Variants in NRG1 observed in about 807,000 individuals in gnomAD.
The protein encoded by NRG1 is pro-neuregulin-1, membrane-bound isoform.
In NRG1, 18 loss-of-function variants were observed where a neutral mutation model predicts 63.8. That is an observed-to-expected ratio of 0.28 (90% CI 0.19 to 0.42). NRG1 has a LOEUF of 0.42. Among genes scored for constraint, NRG1 ranks in the 10% least tolerant of loss-of-function variants. The pLI is 1.00. For synonymous variants in NRG1, 302 were observed against 301.3 expected, an observed-to-expected ratio of 1.00 and a Z score of -0.02; for missense variants, 762 against 814.7, an observed-to-expected ratio of 0.94 and a Z score of 0.79.
rs956589922 is a variant in NRG1, at chr8:32,605,955, G to A, written c.400+272G>A. On this transcript the variant is annotated intron_variant, in intron 3 of 11. Transcript: ENST00000356819. ...GATAGGTTGGGTTGCTAAAATATAG[G>A]GGCTATACTATTTTTTTAAGTTGGT... 3.3e-5 allele frequency among the ~76,000 whole-genome samples: 5 copies of A among 151,702 alleles called. No individual in the cohort carries two copies. The East Asian group carries it at 7.8e-4, about 24-fold the overall frequency.
intron 1 of NRG1, among the ~76,000 whole-genome samples, chr8:32,039,787 G>A (rs769013163): frequency 6.6e-5 from 10 of 152,136 alleles, no homozygotes; most frequent in East Asian, 1.9e-4. Flanking sequence ...TGGAAGCCAA[G>A]GCAGGACGAT....
intron 1 of NRG1, among the ~76,000 whole-genome samples, chr8:32,474,928 C>G (rs187529416): frequency 6.6e-6 from 1 of 152,200 alleles, no homozygotes; most frequent in Non-Finnish European, 1.5e-5. Context: ...TTTATTTATG[C>G]AAAGCACATA....
chr8:31,871,986 G>C (rs910643270), intron 1 of NRG1, among the ~76,000 whole-genome samples: 3 of 152,080 alleles, frequency 2.0e-5, no homozygotes, highest in Non-Finnish European at 4.4e-5. Flanking sequence ...ATTGCCTCAT[G>C]TTAATCAGTG....
intron 1 of NRG1, among the ~76,000 whole-genome samples, chr8:32,154,462 A>C: frequency 7.0e-6 from 1 of 143,152 alleles, no homozygotes; most frequent in Non-Finnish European, 1.5e-5. Context: ...ACCCCCCAGC[A>C]CTCCCTTCCC....
chr8:32,253,098 G>C (rs1316216831), intron 1 of NRG1, among the ~76,000 whole-genome samples: 1 of 152,190 alleles, frequency 6.6e-6, no homozygotes, highest in Non-Finnish European at 1.5e-5. Context: ...ATTTTGGGCT[G>C]AGAAGATGGG....
intron 1 of NRG1, among the ~76,000 whole-genome samples, chr8:32,342,162 A>C (rs568354165): frequency 6.6e-6 from 1 of 152,342 alleles, no homozygotes; most frequent in South Asian, 2.1e-4. Context: ...CAAGTTAACT[A>C]TCCAGAAACA....
intron 1 of NRG1, among the ~76,000 whole-genome samples, chr8:32,125,721 C>A (rs1434572279): frequency 2.0e-5 from 3 of 151,918 alleles, no homozygotes; most frequent in Non-Finnish European, 4.4e-5. Context: ...TTGTTTCTGC[C>A]TGCACACATC....
intron 1 of NRG1, among the ~76,000 whole-genome samples, chr8:32,437,618 A>T (rs1818953259): frequency 6.6e-6 from 1 of 152,184 alleles, no homozygotes; most frequent in Non-Finnish European, 1.5e-5. Context: ...AGTGGAAGGA[A>T]GAGCTTGCAA....
At chr8:32,283,856 A>T (rs1853185085) in intron 1 of NRG1, among the ~76,000 whole-genome samples, 1 of 152,176 alleles carries the variant, frequency 6.6e-6, no homozygotes, top group Non-Finnish European at 1.5e-5. Flanking sequence ...TTGATGATGC[A>T]TCCACCAGGG....
At chr8:32,665,221 T>C (rs895843843) in intron 5 of NRG1, among the ~76,000 whole-genome samples, 1 of 152,198 alleles carries the variant, frequency 6.6e-6, no homozygotes, top group Non-Finnish European at 1.5e-5. Flanking sequence ...ATATTTAGCC[T>C]GTTCTAGTAC....
At chr8:31,740,663 G>C (rs2131397635) in intron 1 of NRG1, among the ~76,000 whole-genome samples, 1 of 149,946 alleles carries the variant, frequency 6.7e-6, no homozygotes, top group South Asian at 2.1e-4. Flanking sequence ...ATGTACCTGT[G>C]TGAGTGCATG....
At chr8:32,754,628 T>G (rs1829347785) in intron 8 of NRG1, among the ~76,000 whole-genome samples, 154 bp downstream of exon 8, 1 of 152,102 alleles carries the variant, frequency 6.6e-6, no homozygotes, top group African/African-American at 2.4e-5. Context: ...TAATCCATTT[T>G]GAGGATGTCT....
intron 1 of NRG1, among the ~76,000 whole-genome samples, chr8:31,877,352 G>A (rs1221431345): frequency 6.6e-6 from 1 of 152,068 alleles, no homozygotes; most frequent in Non-Finnish European, 1.5e-5. Context: ...CATCTCAGGG[G>A]TGGAGAGGAC....
chr8:31,924,715 T>C (rs182223129), intron 1 of NRG1, among the ~76,000 whole-genome samples: 289 of 152,148 alleles, frequency 1.9e-3, no homozygotes, highest in African/African-American at 6.8e-3. Flanking sequence ...TATTCAACTT[T>C]CTTCCTTTCT....
chr8:31,646,960 C>T (rs1021217864), intron 1 of NRG1, among the ~76,000 whole-genome samples: 5 of 152,042 alleles, frequency 3.3e-5, no homozygotes, highest in Non-Finnish European at 5.9e-5. Flanking sequence ...ATTTTTAGAA[C>T]AATATTTGTT....
Position 31,725,128 on chromosome 8 carries a change from G to C in NRG1, c.37+85697G>C, listed in dbSNP as rs147410241. ...ATAAAAAATGACTCTTAGCCCACAGGCTGTATAAAAACATGTAGATTTGGT... is the reference window on the plus strand; with the variant it reads ...ATAAAAAATGACTCTTAGCCCACAGCCTGTATAAAAACATGTAGATTTGGT... On this transcript the variant is annotated intron_variant, in intron 1 of 10. Transcript: ENST00000519301. Among the ~76,000 whole-genome samples, 265 of 152,244 alleles carry C rather than the reference G, an allele frequency of 1.7e-3. 1 individual carries two copies. Among genetic ancestry groups the C allele is most frequent in the Middle Eastern group, 0.014 (4 of 294 alleles).
chr8:32,365,220 T>A (rs1336193436), intron 1 of NRG1, among the ~76,000 whole-genome samples: 1 of 152,182 alleles, frequency 6.6e-6, no homozygotes, highest in Non-Finnish European at 1.5e-5. Flanking sequence ...TGCATTTGTG[T>A]ATCCTTGGTT....
intron 1 of NRG1, among the ~76,000 whole-genome samples, chr8:32,486,701 T>G (rs1825947373): frequency 6.7e-6 from 1 of 150,350 alleles, no homozygotes; most frequent in Admixed American, 6.7e-5. Flanking sequence ...CTTGGCACAC[T>G]GCAACCTCCA....
chr8:32,078,105 A>T (rs1050827733), intron 1 of NRG1, among the ~76,000 whole-genome samples: 1 of 152,186 alleles, frequency 6.6e-6, no homozygotes, highest in African/African-American at 2.4e-5. Flanking sequence ...CAAGTGATCG[A>T]GTTTAGATAT....
Sources: gnomAD v4.1 joint callset for allele counts (sites outside exome capture counted in the v4.1 genomes callset) on GRCh38, gnomAD v4.1.1 for gene constraint, MANE v1.5 for transcripts, NCBI Gene and HGNC (gene_info 2026-07-23, HGNC 2026-07-21) for gene names.